The following CTNNA3 variants were observed in gnomAD, a reference collection of about 807,000 sequenced individuals.
CTNNA3 encodes catenin alpha-3.
A neutral mutation model predicts 95.7 loss-of-function variants in CTNNA3; 76 were observed. The ratio of observed to expected loss-of-function variants is 0.79; its 90% CI spans 0.66 to 0.96. The LOEUF (loss-of-function observed/expected upper bound fraction) is 0.96, where lower values mean the gene tolerates loss of function less well. Among genes scored for constraint, CTNNA3 ranks in the 40% least tolerant of loss-of-function variants. The pLI is 0.00. For synonymous variants in CTNNA3, 431 were observed against 374.4 expected (o/e 1.15, Z -1.74); for missense variants, 1,191 against 1,089.8 (o/e 1.09, Z -1.31).
intron 9 of CTNNA3, among the ~76,000 whole-genome samples, chr10:66,741,568 C>T (rs1849326570): frequency 6.6e-6 from 1 of 152,142 alleles, no homozygotes. Flanking sequence ...ATTCACTACA[C>T]AATGCATGGA....
At chr10:66,360,804 C>CCTTCCTTTTCTTTCTTTCTTTCTTT (rs2092662422) in intron 12 of CTNNA3, among the ~76,000 whole-genome samples, 2 of 69,886 alleles carry the variant, frequency 2.9e-5, no homozygotes, top group African/African-American at 1.0e-4. Context: ...TTCCTTCCTT[C>CCTTCCTTTTCTTTCTTTCTTTCTTT]CTTCCTTCCT....
chr10:67,400,041 G>A (rs797017747), intron 5 of CTNNA3, among the ~76,000 whole-genome samples: 2 of 151,948 alleles, frequency 1.3e-5, no homozygotes, highest in Non-Finnish European at 2.9e-5. Flanking sequence ...TTAGCATTAG[G>A]TATATCTCCT....
intron 7 of CTNNA3, among the ~76,000 whole-genome samples, chr10:67,175,345 G>A (rs1296879685): frequency 3.3e-5 from 5 of 152,064 alleles, no homozygotes; most frequent in Non-Finnish European, 7.4e-5. Context: ...ATTTTCAGGA[G>A]TGAGATGGAG....
At chr10:66,294,514 T>C (rs1271013927) in intron 12 of CTNNA3, among the ~76,000 whole-genome samples, 1 of 152,170 alleles carries the variant, frequency 6.6e-6, no homozygotes, top group Non-Finnish European at 1.5e-5. Flanking sequence ...ATTATGAATA[T>C]AGAAGTCTTG....
At chr10:67,158,837 A>C (rs1861416268) in intron 7 of CTNNA3, among the ~76,000 whole-genome samples, 1 of 151,712 alleles carries the variant, frequency 6.6e-6, no homozygotes, top group African/African-American at 2.4e-5. Flanking sequence ...TCAATCTATT[A>C]CAAAAAAAAA....
intron 13 of CTNNA3, among the ~76,000 whole-genome samples, chr10:66,171,562 T>C (rs2085433247): frequency 6.6e-6 from 1 of 151,492 alleles, no homozygotes; most frequent in Admixed American, 6.6e-5. Flanking sequence ...AAAAAAAATT[T>C]AATATAAAAA....
chr10:67,726,391 T>TATATATCATATATA (rs1841218338), intron 1 of CTNNA3, among the ~76,000 whole-genome samples: 3 of 29,484 alleles, frequency 1.0e-4, no homozygotes, highest in Non-Finnish European at 1.2e-4. Context: ...TGAAATTATA[T>TATATATCATATATA]ATATTATATA....
chr10:66,227,667 CA>C (rs2089379877), intron 13 of CTNNA3, among the ~76,000 whole-genome samples: 1 of 152,102 alleles, frequency 6.6e-6, no homozygotes, highest in South Asian at 2.1e-4. Flanking sequence ...GTTTTGGTAT[CA>C]GGGTAATGCT....
chr10:66,938,206 T>C (rs892628220), intron 7 of CTNNA3, among the ~76,000 whole-genome samples: 3 of 152,136 alleles, frequency 2.0e-5, no homozygotes, highest in African/African-American at 7.2e-5. Flanking sequence ...TTTCACTATG[T>C]ACACTCTTCT....
intron 11 of CTNNA3, among the ~76,000 whole-genome samples, chr10:66,505,378 C>T (rs1481203974): frequency 1.3e-5 from 2 of 152,178 alleles, no homozygotes; most frequent in Non-Finnish European, 2.9e-5. Context: ...TTCACCATGA[C>T]CTACATAAAG....
At chr10:66,270,363 C>T (rs955942353) in intron 13 of CTNNA3, among the ~76,000 whole-genome samples, 4 of 151,994 alleles carry the variant, frequency 2.6e-5, no homozygotes, top group Non-Finnish European at 5.9e-5. Context: ...CACCACCATG[C>T]CCGGATAATT....
chr10:66,023,508 T>C lies in CTNNA3; in HGVS notation c.2160-34711A>G, dbSNP rs1461101019. Among the ~76,000 whole-genome samples, 4 of 152,130 alleles carry C rather than the reference T, an allele frequency of 2.6e-5. No homozygotes were observed. The East Asian group carries it at 7.7e-4, about 29-fold the overall frequency. On this transcript the variant is annotated intron_variant, in intron 15 of 17. Coordinates refer to ENST00000433211, the MANE Select transcript of CTNNA3 (RefSeq NM_013266.4). ...CACCTGGTCTCTCTATTTCCAGTAA[T>C]GAAAAATATGGAGGTGAAATACATT...
chr10:65,983,264 G>A (rs1049067225), intron 16 of CTNNA3, among the ~76,000 whole-genome samples: 13 of 151,538 alleles, frequency 8.6e-5, no homozygotes, highest in Admixed American at 3.3e-4. Flanking sequence ...AAAGATCACC[G>A]AGGGATCAGA....
At chr10:67,182,746 C>G (rs539288629) in intron 6 of CTNNA3, among the ~76,000 whole-genome samples, 1 of 152,148 alleles carries the variant, frequency 6.6e-6, no homozygotes, top group African/African-American at 2.4e-5. Context: ...TCAGAGTGAA[C>G]AGGCAACCTA....
chr10:67,182,403 T>C (rs1396919604), intron 6 of CTNNA3, among the ~76,000 whole-genome samples: 5 of 152,138 alleles, frequency 3.3e-5, no homozygotes, highest in Admixed American at 6.5e-5. Flanking sequence ...AACCATCTGA[T>C]CTTTGACAAA....
intron 5 of CTNNA3, among the ~76,000 whole-genome samples, chr10:67,504,991 T>C (rs1839387857): frequency 1.3e-5 from 2 of 152,240 alleles, no homozygotes; most frequent in Non-Finnish European, 2.9e-5. Context: ...TCTTAATATA[T>C]GGTATAGATG....
intron 15 of CTNNA3, among the ~76,000 whole-genome samples, chr10:66,027,792 TTTC>T (rs896309804): frequency 1.3e-5 from 2 of 152,156 alleles, no homozygotes; most frequent in Admixed American, 6.5e-5. Flanking sequence ...CCCACTCCAA[TTTC>T]CCTCCTTTAT....
chr10:66,046,699 AATAAG>A (rs1368319530), intron 15 of CTNNA3, among the ~76,000 whole-genome samples: 1 of 152,128 alleles, frequency 6.6e-6, no homozygotes, highest in Non-Finnish European at 1.5e-5. Flanking sequence ...TGAAAAAAAT[AATAAG>A]ATAGATAGGC....
At chr10:67,702,766 T>A (rs1285347651) in intron 1 of CTNNA3, among the ~76,000 whole-genome samples, 1 of 151,698 alleles carries the variant, frequency 6.6e-6, no homozygotes, top group Non-Finnish European at 1.5e-5. Flanking sequence ...AGGCAAGAAA[T>A]AACTAAGATC....
Sources: allele counts gnomAD v4.1 joint callset (sites outside exome capture counted in the v4.1 genomes callset), GRCh38; gene constraint gnomAD v4.1.1; transcripts MANE v1.5; gene names NCBI Gene and HGNC (gene_info 2026-07-23, HGNC 2026-07-21).